GABRG1: variants seen among roughly 807,000 people sequenced by gnomAD.
GABRG1 encodes the protein gamma-aminobutyric acid receptor subunit gamma-1.
GABRG1 carries 49 observed loss-of-function variants against 49.8 expected under a neutral mutation model. That is an observed-to-expected ratio of 0.98 (90% CI 0.78 to 1.25). The LOEUF is 1.25. Ranked by LOEUF, GABRG1 falls within the 50% of genes most tolerant of loss-of-function variation. GABRG1 has a pLI of 0.00. For synonymous variants in GABRG1, 232 were observed against 185.1 expected (o/e 1.25, Z -2.06); for missense variants, 552 against 552.3 (o/e 1.00, Z 0.01).
Position 46,065,599 on chromosome 4 carries a change from G to A in GABRG1, c.322-15C>T, listed in dbSNP as rs780128980. On this transcript the variant is annotated splice_polypyrimidine_tract_variant and intron_variant, in intron 3 of 8. Transcript: ENST00000295452. Reference sequence around the variant, plus strand: ...ATTGTATATTCCTAAAATATAAGAAGAGTAACAACATATTAGTAAAGCTAC... The same window carrying A: ...ATTGTATATTCCTAAAATATAAGAAAAGTAACAACATATTAGTAAAGCTAC... The A allele has an allele frequency of 1.7e-6, 2 of 1,143,218 alleles. No individual in the cohort carries two copies. The highest frequency in any genetic ancestry group is 4.9e-5 in the East Asian group (2 of 41,156). 70.8% of individuals were successfully genotyped at this position (1,143,218 alleles called of 1,614,324 possible).
At chr4:46,068,737 AT>A (rs2109411515) in intron 3 of GABRG1, among the ~76,000 whole-genome samples, 1 of 152,224 alleles carries the variant, frequency 6.6e-6, no homozygotes, top group Admixed American at 6.6e-5. Context: ...CCAGTTTTGT[AT>A]TAGTGTAATT....
rs1717577832 is a variant in GABRG1, at chr4:46,037,552, G to T, written c.*3436C>A. ...TGTTTCTAGTGAGACAAGCAGTAAA[G>T]GCTTAAGAGTCTACTGGGTACCTTC... is the stretch of plus-strand genomic sequence containing the variant. On this transcript the variant is annotated 3_prime_UTR_variant, in exon 9 of 9. Transcript: ENST00000295452. The T allele has an allele frequency of 6.6e-6, 1 of 151,638 alleles. No homozygotes were observed. Among genetic ancestry groups the T allele is most frequent in the Non-Finnish European group, 1.5e-5 (1 of 67,830 alleles). 9.4% of individuals were successfully genotyped at this position (151,638 alleles called of 1,614,324 possible).
At chr4:46,100,732 GT>G (rs67783537) in intron 1 of GABRG1, among the ~76,000 whole-genome samples, 11,840 of 130,170 alleles carry the variant, frequency 0.091, 946 homozygotes, top group African/African-American at 0.21. Context: ...AGCTTTTTCT[GT>G]TTTTTTTTTT....
chr4:46,067,699 C>CT (rs1175804281), intron 3 of GABRG1, among the ~76,000 whole-genome samples: 1 of 152,068 alleles, frequency 6.6e-6, no homozygotes. Flanking sequence ...CCATGTAAGC[C>CT]TTATAAATCT....
chr4:46,061,874 A>AT (rs71193840), intron 5 of GABRG1, among the ~76,000 whole-genome samples: 36,612 of 141,468 alleles, frequency 0.26, 6,245 homozygotes, highest in African/African-American at 0.49. Flanking sequence ...TGTTTATTTT[A>AT]TTTTTTTTAT....
At position 46,036,042 on chromosome 4, in the gene GABRG1, A is replaced by G. The variant is rs1312802527; in HGVS notation, c.*4946T>C. The G allele has an allele frequency of 6.6e-6, 1 of 151,980 alleles. No homozygotes were observed. The highest frequency in any genetic ancestry group is 6.6e-5 in the Admixed American group (1 of 15,230). The allele number at this position is 151,980 out of a possible 1,614,324, so 9.4% of individuals were successfully genotyped here. On this transcript the variant is annotated 3_prime_UTR_variant, in exon 9 of 9. Transcript: ENST00000295452. ...AACCAAACTATTTCCATTTAGGTAA[A>G]TCATGTCTCAAAAGTCTTCTAATTA... is the stretch of plus-strand genomic sequence containing the variant.
At chr4:46,074,097 C>T (rs779189959) in intron 3 of GABRG1, among the ~76,000 whole-genome samples, 1 of 152,120 alleles carries the variant, frequency 6.6e-6, no homozygotes, top group Non-Finnish European at 1.5e-5. Flanking sequence ...GCTTCATAGC[C>T]AATAGGCAAA....
At chr4:46,044,668 C>T (rs777219155) in intron 8 of GABRG1, among the ~76,000 whole-genome samples, 1 of 152,200 alleles carries the variant, frequency 6.6e-6, no homozygotes, top group African/African-American at 2.4e-5. Flanking sequence ...GGAATCTACT[C>T]TTCCACTCAG....
intron 7 of GABRG1, among the ~76,000 whole-genome samples, chr4:46,053,336 A>C (rs1718308508): frequency 6.6e-6 from 1 of 152,056 alleles, no homozygotes; most frequent in South Asian, 2.1e-4. Context: ...TCCTATAAAT[A>C]TCAATCAGGT....
At chr4:46,115,665 A>T (rs1488611262) in intron 1 of GABRG1, among the ~76,000 whole-genome samples, 1 of 150,830 alleles carries the variant, frequency 6.6e-6, no homozygotes, top group East Asian at 1.9e-4. Flanking sequence ...CTTCATTTAT[A>T]GTCTATTTTA....
At chr4:46,119,477 G>A (rs1721032250) in intron 1 of GABRG1, among the ~76,000 whole-genome samples, 2 of 151,392 alleles carry the variant, frequency 1.3e-5, no homozygotes, top group African/African-American at 4.8e-5. Flanking sequence ...TTTTTCCCCT[G>A]TTTTTCCATC....
At chr4:46,097,573 T>C (rs1560369635) in intron 1 of GABRG1, among the ~76,000 whole-genome samples, 1 of 148,092 alleles carries the variant, frequency 6.8e-6, no homozygotes, top group Non-Finnish European at 1.5e-5. Context: ...AATATTAAAA[T>C]AATAAAGTAA....
chr4:46,109,147 A>G (rs1181405855), intron 1 of GABRG1, among the ~76,000 whole-genome samples: 1 of 150,682 alleles, frequency 6.6e-6, no homozygotes, highest in Non-Finnish European at 1.5e-5. Flanking sequence ...CATCTGGCCC[A>G]GGGCTTTTTT....
At chr4:46,082,554 G>A (rs965271748) in intron 3 of GABRG1, among the ~76,000 whole-genome samples, 4 of 151,666 alleles carry the variant, frequency 2.6e-5, no homozygotes, top group African/African-American at 9.7e-5. Context: ...GATGAAGGAG[G>A]GATATGCAAT....
At chr4:46,106,286 A>C (rs765751830) in intron 1 of GABRG1, among the ~76,000 whole-genome samples, 2 of 151,488 alleles carry the variant, frequency 1.3e-5, no homozygotes, top group African/African-American at 4.8e-5. Context: ...TGTCACCAAG[A>C]CTGCCCCATC....
chr4:46,066,908 A>G (rs926139832), intron 3 of GABRG1, among the ~76,000 whole-genome samples: 6 of 151,558 alleles, frequency 4.0e-5, no homozygotes, highest in South Asian at 2.1e-4. Flanking sequence ...ATGTGTGTGT[A>G]TGTATGTTTG....
intron 3 of GABRG1, among the ~76,000 whole-genome samples, chr4:46,069,828 G>A (rs982266698): frequency 1.3e-5 from 2 of 152,070 alleles, no homozygotes; most frequent in African/African-American, 4.8e-5. Flanking sequence ...TTAATAAAAT[G>A]TAGAAGGGGT....
At chr4:46,087,391 T>A (rs1577656755) in intron 2 of GABRG1, among the ~76,000 whole-genome samples, 2 of 151,708 alleles carry the variant, frequency 1.3e-5, no homozygotes, top group South Asian at 4.2e-4. Context: ...AAGGTTGAAA[T>A]AATATAAGTA....
chr4:46,051,535 A>G lies in GABRG1; in HGVS notation c.1020T>C (p.Cys340=). ...VTAMDLFVSV[C]FIFVFAALME... ...TCAAGGCTGCAAAAACAAAAATGAA[A>G]CAAACAGAAACAAAGAGATCCATCG... The change falls in exon 8 of 9, where the codon TGT becomes TGC. Residue 340 remains cysteine (C), a synonymous_variant. Transcript: ENST00000295452. 1 of 1,611,850 alleles carries G rather than the reference A, an allele frequency of 6.2e-7. No homozygotes were observed. The highest frequency in any genetic ancestry group is 8.5e-7 in the Non-Finnish European group (1 of 1,178,650).
Sources: gnomAD v4.1 joint callset for allele counts (sites outside exome capture counted in the v4.1 genomes callset) on GRCh38, gnomAD v4.1.1 for gene constraint, MANE v1.5 for transcripts, NCBI Gene and HGNC (gene_info 2026-07-23, HGNC 2026-07-21) for gene names.